The following ZNF540 variants were observed in gnomAD, a reference collection of about 807,000 sequenced individuals.
ZNF540 encodes the protein zinc finger protein 540.
Under a neutral mutation model 11.8 loss-of-function variants are expected in ZNF540, and 3 were observed. The observed-to-expected ratio is 0.25, with a 90% CI of 0.12 to 0.65. The LOEUF is 0.65. Ranked by LOEUF, ZNF540 falls within the 30% of genes least tolerant of loss-of-function variation. The probability of loss-of-function intolerance (pLI) is 0.83; values close to 1 mark genes in which losing one functional copy is unlikely to be tolerated. For missense variants in ZNF540, 709 were observed against 793.1 expected (o/e 0.89, Z 1.27); for synonymous variants, 247 against 259.0 (o/e 0.95, Z 0.45).
chr19:37,561,854 G>A (rs964282194), intron 1 of ZNF540, among the ~76,000 whole-genome samples: 1 of 152,156 alleles, frequency 6.6e-6, no homozygotes, highest in Non-Finnish European at 1.5e-5. Context: ...ACTGAATAAT[G>A]AAGGCATAAC....
rs765688504 is a variant in ZNF540 at position 37,598,473 on chromosome 19, C to T, written c.9+17C>T. 2 of 1,613,582 alleles carry T rather than the reference C, an allele frequency of 1.2e-6. No individual in the cohort carries two copies. Among genetic ancestry groups the T allele is most frequent in the Non-Finnish European group, 1.7e-6 (2 of 1,179,662 alleles). On this transcript the variant is annotated intron_variant, in intron 2 of 4. Coordinates refer to ENST00000316433, the MANE Select transcript of ZNF540 (RefSeq NM_001172225.3). ...ATGGCCCATGTAAGTCACAGTTTCT[C>T]TTTCCTTTTTAGATTATTTTGTTTT...
At position 37,598,411 on chromosome 19, in the gene ZNF540, C is replaced by G. The variant is rs1315384180; in HGVS notation, c.-37C>G. The G allele has an allele frequency of 6.2e-7, 1 of 1,612,220 alleles. No individual in the cohort carries two copies. The highest frequency in any genetic ancestry group is 1.1e-5 in the South Asian group (1 of 90,374). On this transcript the variant is annotated 5_prime_UTR_variant, in exon 2 of 5. Coordinates refer to ENST00000316433, the MANE Select transcript of ZNF540 (RefSeq NM_001172225.3). ...ACTTTGCTTCTCCAGCAGAATAATC[C>G]TGCGGAAGACTGAGCAGTTCTTGTG... is the stretch of plus-strand genomic sequence containing the variant.
chr19:37,612,602 G>A lies in ZNF540; in HGVS notation c.1322G>A (p.Cys441Tyr). ...RIHTGEKPYE[C>Y]KECGKAFMLR... ...CATACTGGAGAGAAACCATATGAAT[G>A]TAAGGAATGCGGGAAAGCCTTTATG... Residue 441 changes from cysteine to tyrosine, a missense_variant, in exon 5 of 5, where the codon TGT becomes TAT. Cys to Tyr is a radical substitution (Grantham distance 194). Coordinates refer to ENST00000316433, the MANE Select transcript of ZNF540 (RefSeq NM_001172225.3). The A allele has an allele frequency of 6.2e-7, 1 of 1,614,124 alleles. No homozygotes were observed. Among genetic ancestry groups the A allele is most frequent in the African/African-American group, 1.3e-5 (1 of 75,044 alleles).
Position 37,594,879 on chromosome 19 carries a change from T to C in ZNF540, c.-289T>C, listed in dbSNP as rs1376630411. 2 of 152,146 alleles carry C rather than the reference T, an allele frequency of 1.3e-5. No individual in the cohort carries two copies. The highest frequency in any genetic ancestry group is 2.9e-5 in the Non-Finnish European group (2 of 68,056). The allele number at this position is 152,146 out of a possible 1,614,324, so 9.4% of individuals were successfully genotyped here. A position where few individuals can be genotyped will look rare whatever the true frequency, so the allele number is the denominator to read the frequency against. On this transcript the variant is annotated 5_prime_UTR_variant, in exon 1 of 5. Transcript: ENST00000316433. Reference sequence around the variant, plus strand: ...ATCGTGTCTGCGCAGGCCCAGCAGCTAAGATCGGGTCCGGCGCTCCAGAAC... The same window carrying C: ...ATCGTGTCTGCGCAGGCCCAGCAGCCAAGATCGGGTCCGGCGCTCCAGAAC...
chr19:37,576,314 T>C (rs2043240992), intron 1 of ZNF540, among the ~76,000 whole-genome samples: 1 of 152,200 alleles, frequency 6.6e-6, no homozygotes, highest in Non-Finnish European at 1.5e-5. Context: ...CATATAACTC[T>C]ATAAACAAAT....
chr19:37,574,115 C>G (rs1022834393), intron 1 of ZNF540, among the ~76,000 whole-genome samples: 2 of 152,136 alleles, frequency 1.3e-5, no homozygotes, highest in Non-Finnish European at 2.9e-5. Flanking sequence ...TTCTAGAAAA[C>G]TAGGAGGCCT....
Position 37,612,956 on chromosome 19 carries a change from CCTT to C in ZNF540, c.1677_1679del (p.Phe560del). Reference sequence around the variant, plus strand: ...TATGACTGTAAAGAATGTGGGAAGTCCTTTAGTCGGCGTGGGCAGTTCACTGAA... The same window carrying C: ...TATGACTGTAAAGAATGTGGGAAGTCTAGTCGGCGTGGGCAGTTCACTGAA... On this transcript the variant is annotated inframe_deletion, in exon 5 of 5. Coordinates refer to ENST00000316433, the MANE Select transcript of ZNF540 (RefSeq NM_001172225.3). 6.2e-7 allele frequency: 1 copy of C among 1,614,084 alleles called. No individual in the cohort carries two copies.
At chr19:37,610,244 C>T (rs2044117906) in intron 4 of ZNF540, among the ~76,000 whole-genome samples, 2 of 152,150 alleles carry the variant, frequency 1.3e-5, no homozygotes, top group Non-Finnish European at 2.9e-5. Context: ...ATCTGTCATT[C>T]ATCATCATAA....
intron 1 of ZNF540, among the ~76,000 whole-genome samples, chr19:37,558,925 A>G (rs577569066): frequency 9.7e-4 from 148 of 152,188 alleles, no homozygotes; most frequent in African/African-American, 3.5e-3. Context: ...GCTCACTGCA[A>G]TCTTGACCTC....
intron 1 of ZNF540, among the ~76,000 whole-genome samples, chr19:37,578,320 C>T (rs2043317678): frequency 6.6e-6 from 1 of 152,118 alleles, no homozygotes; most frequent in Non-Finnish European, 1.5e-5. Flanking sequence ...CTGGGACTGG[C>T]ATGGAGTGGG....
intron 1 of ZNF540, among the ~76,000 whole-genome samples, chr19:37,597,835 C>T (rs2044008174): frequency 6.6e-6 from 1 of 152,244 alleles, no homozygotes; most frequent in Non-Finnish European, 1.5e-5. Flanking sequence ...CTGAAAGTAG[C>T]CATAGTCAGA....
At chr19:37,596,551 T>C (rs1324559726) in intron 1 of ZNF540, among the ~76,000 whole-genome samples, 3 of 152,208 alleles carry the variant, frequency 2.0e-5, no homozygotes, top group Non-Finnish European at 4.4e-5. Context: ...AACCTGTTCT[T>C]TATTGAAGTC....
chr19:37,586,550 C>T (rs940841111), intron 1 of ZNF540: 12 of 1,124,758 alleles, frequency 1.1e-5, no homozygotes, highest in South Asian at 5.4e-5. Context: ...GAATGGGAGA[C>T]GTTTGGAAGC....
intron 1 of ZNF540, chr19:37,563,053 A>C (rs1429391140): frequency 1.3e-5 from 2 of 152,174 alleles, no homozygotes; most frequent in African/African-American, 4.8e-5. Flanking sequence ...ATGGGGCCAG[A>C]TGTGGTGGCT....
upstream of ZNF540, among the ~76,000 whole-genome samples, chr19:37,592,585 A>T (rs1476031625): frequency 6.6e-6 from 1 of 152,238 alleles, no homozygotes; most frequent in Admixed American, 6.5e-5. Context: ...AAAGGAAAGG[A>T]TTAAATGGAC....
At chr19:37,577,335 G>A (rs1046018433) in intron 1 of ZNF540, among the ~76,000 whole-genome samples, 2 of 152,034 alleles carry the variant, frequency 1.3e-5, no homozygotes, top group Non-Finnish European at 2.9e-5. Context: ...CCTACATCTG[G>A]AAGGTTTCAT....
At chr19:37,593,547 C>CA (rs982476047), upstream of ZNF540, among the ~76,000 whole-genome samples, 4 of 152,118 alleles carry the variant, frequency 2.6e-5, no homozygotes, top group Middle Eastern at 3.4e-3. Context: ...ACTAAAAACA[C>CA]AAAAAATTAG....
chr19:37,554,936 G>A (rs2147135801), intron 1 of ZNF540: 1 of 152,236 alleles, frequency 6.6e-6, no homozygotes, highest in South Asian at 2.1e-4. Context: ...AAATAAAGTA[G>A]GCAAAAAGTT....
chr19:37,605,620 C>T (rs1194831951), intron 4 of ZNF540, among the ~76,000 whole-genome samples: 1 of 152,116 alleles, frequency 6.6e-6, no homozygotes, highest in Non-Finnish European at 1.5e-5. Context: ...TGCACTCCAG[C>T]CTGGGCAACA....
Sources: allele counts gnomAD v4.1 joint callset (sites outside exome capture counted in the v4.1 genomes callset), GRCh38; gene constraint gnomAD v4.1.1; transcripts MANE v1.5; gene names NCBI Gene and HGNC (gene_info 2026-07-23, HGNC 2026-07-21).